The following EYA2 variants were observed in gnomAD, a reference collection of about 807,000 sequenced individuals.
EYA2 encodes protein phosphatase EYA2.
A neutral mutation model predicts 69.2 loss-of-function variants in EYA2; 31 were observed. The ratio of observed to expected loss-of-function variants is 0.45; its 90% CI spans 0.34 to 0.60. The LOEUF is 0.60. EYA2 is among the 20% of genes least tolerant of loss of function. EYA2 has a pLI of 0.02. For missense variants in EYA2, 622 were observed against 701.2 expected, an observed-to-expected ratio of 0.89 and a Z score of 1.28; for synonymous variants, 257 against 279.4, an observed-to-expected ratio of 0.92 and a Z score of 0.80.
intron 5 of EYA2, among the ~76,000 whole-genome samples, chr20:47,053,845 G>A (rs1383786302): frequency 1.3e-5 from 2 of 151,726 alleles, no homozygotes; most frequent in Non-Finnish European, 2.9e-5. Context: ...CCACAAAGGA[G>A]GGGCTCAGGG....
intron 10 of EYA2, among the ~76,000 whole-genome samples, chr20:47,153,061 A>C (rs1201910513): frequency 2.0e-5 from 3 of 151,954 alleles, no homozygotes; most frequent in African/African-American, 7.2e-5. Context: ...AGTCTTGTAC[A>C]AAGTGGAATT....
At chr20:46,963,598 A>G (rs542801462) in intron 1 of EYA2, among the ~76,000 whole-genome samples, 1 of 152,352 alleles carries the variant, frequency 6.6e-6, no homozygotes, top group African/African-American at 2.4e-5. Context: ...ATTGTTTTTA[A>G]TGACAATGTC....
At chr20:46,966,682 T>A (rs1025575993) in intron 1 of EYA2, among the ~76,000 whole-genome samples, 2 of 151,882 alleles carry the variant, frequency 1.3e-5, no homozygotes, top group Admixed American at 1.3e-4. Flanking sequence ...TGGTGGTGGG[T>A]GCCTGTAGTC....
intron 5 of EYA2, among the ~76,000 whole-genome samples, chr20:47,052,800 ATT>A (rs1340388823): frequency 6.6e-6 from 1 of 151,904 alleles, no homozygotes; most frequent in African/African-American, 2.4e-5. Flanking sequence ...ATTATTCTGT[ATT>A]TTGTAGAGAT....
chr20:46,995,985 T>G (rs1247664697), intron 2 of EYA2, among the ~76,000 whole-genome samples: 2 of 152,254 alleles, frequency 1.3e-5, no homozygotes, highest in Non-Finnish European at 2.9e-5. Flanking sequence ...GTCTCATGGC[T>G]GTATTGCAGC....
At chr20:47,171,028 G>T (rs968988028) in intron 11 of EYA2, among the ~76,000 whole-genome samples, 2 of 152,192 alleles carry the variant, frequency 1.3e-5, no homozygotes, top group African/African-American at 4.8e-5. Context: ...ATCAGGACTG[G>T]CAAGGAGCAA....
chr20:47,138,325 A>T (rs1248017041), intron 9 of EYA2, among the ~76,000 whole-genome samples: 1 of 152,164 alleles, frequency 6.6e-6, no homozygotes, highest in Non-Finnish European at 1.5e-5. Context: ...TCTTAGGAAA[A>T]TCTGAAATAA....
At chr20:47,009,904 T>C (rs1383173189) in intron 4 of EYA2, among the ~76,000 whole-genome samples, 1 of 152,256 alleles carries the variant, frequency 6.6e-6, no homozygotes, top group Non-Finnish European at 1.5e-5. Flanking sequence ...TTAGTACACA[T>C]TCTTTTGCAA....
chr20:46,992,026 G>GATTCCCCA lies in EYA2; in HGVS notation c.109+1907_109+1908insATTCCCCA, dbSNP rs3092046. On this transcript the variant is annotated intron_variant, in intron 2 of 15. Coordinates refer to ENST00000327619, the MANE Select transcript of EYA2 (RefSeq NM_005244.5). Reference sequence around the variant, plus strand: ...GCAACCCTGGGCCCCCACATTCCCCGCTGGCTGCCACCAGTAGGAGCTGAG... The same window carrying GATTCCCCA: ...GCAACCCTGGGCCCCCACATTCCCCGATTCCCCACTGGCTGCCACCAGTAGGAGCTGAG... 3.7e-5 allele frequency among the ~76,000 whole-genome samples: 5 copies of GATTCCCCA among 135,474 alleles called. No individual in the cohort carries two copies. In the East Asian group the frequency reaches 8.5e-4, roughly 23 times the overall value. The allele number at this position is 135,474 out of a possible 152,430, so 88.9% of individuals were successfully genotyped here.
intron 9 of EYA2, among the ~76,000 whole-genome samples, chr20:47,141,801 A>G (rs1600738931): frequency 6.6e-6 from 1 of 152,346 alleles, no homozygotes; most frequent in East Asian, 1.9e-4. Flanking sequence ...CAAAAGTGAA[A>G]CATAACTTTT....
At chr20:46,936,287 A>G (rs1985905511) in intron 1 of EYA2, among the ~76,000 whole-genome samples, 1 of 152,190 alleles carries the variant, frequency 6.6e-6, no homozygotes, top group South Asian at 2.1e-4. Context: ...CCTGGTTAAC[A>G]TGGCAAAACC....
At chr20:46,975,611 G>A (rs1321159702) in intron 1 of EYA2, among the ~76,000 whole-genome samples, 1 of 152,184 alleles carries the variant, frequency 6.6e-6, no homozygotes. Flanking sequence ...TGTTTTACAT[G>A]CGATCAAGAA....
chr20:47,000,446 C>T (rs918195415), intron 2 of EYA2, among the ~76,000 whole-genome samples: 14 of 152,164 alleles, frequency 9.2e-5, no homozygotes, highest in African/African-American at 3.4e-4. Flanking sequence ...AGCTCCACAG[C>T]CTTAGGTTGT....
intron 1 of EYA2, among the ~76,000 whole-genome samples, chr20:46,926,208 CAG>C (rs1313104003): frequency 2.6e-5 from 4 of 151,888 alleles, no homozygotes; most frequent in Non-Finnish European, 4.4e-5. Context: ...TCCAGAGAAA[CAG>C]AAAAAAATAG....
At chr20:47,067,673 G>A (rs887754022) in intron 5 of EYA2, among the ~76,000 whole-genome samples, 1 of 152,076 alleles carries the variant, frequency 6.6e-6, no homozygotes, top group African/African-American at 2.4e-5. Flanking sequence ...CACATAGAGA[G>A]GAACTATCTT....
intron 9 of EYA2, among the ~76,000 whole-genome samples, chr20:47,134,764 AAAACAGCCATAAAT>A (rs1220902249): frequency 6.6e-6 from 1 of 152,222 alleles, no homozygotes; most frequent in African/African-American, 2.4e-5. Flanking sequence ...TTGTACCATG[AAAACAGCCATAAAT>A]AAACATTAAG....
chr20:46,906,325 A>G (rs928185766), intron 1 of EYA2, among the ~76,000 whole-genome samples: 5 of 152,262 alleles, frequency 3.3e-5, no homozygotes, highest in African/African-American at 1.2e-4. Context: ...TTTAAAACTC[A>G]TCCCCGCAGG....
rs184192550 is a variant in EYA2, at chr20:46,985,719, A to G, written c.-10-4282A>G. Among the ~76,000 whole-genome samples the G allele has an allele frequency of 3.1e-3, 477 of 152,312 alleles. 1 individual carries two copies. Among genetic ancestry groups the G allele is most frequent in the Admixed American group, 7.7e-3 (118 of 15,300 alleles). On this transcript the variant is annotated intron_variant, in intron 1 of 15. Transcript: ENST00000327619. The stretch of plus-strand genomic sequence containing the variant: ...TATGCCTTGACTTAATTGGGCCGCC[A>G]CTGTTCAGTGCCAGCTGGTTGCTGC...
chr20:47,159,639 TGGGTGTG>T (rs2034023689), intron 10 of EYA2, among the ~76,000 whole-genome samples: 1 of 151,928 alleles, frequency 6.6e-6, no homozygotes, highest in Admixed American at 6.6e-5. Flanking sequence ...AAGGAGAAAG[TGGGTGTG>T]GGGTGTATGG....
Sources: allele counts gnomAD v4.1 joint callset (sites outside exome capture counted in the v4.1 genomes callset), GRCh38; gene constraint gnomAD v4.1.1; transcripts MANE v1.5; gene names NCBI Gene and HGNC (gene_info 2026-07-23, HGNC 2026-07-21).